Variants in LPP observed in about 807,000 individuals in gnomAD.
LPP encodes the protein LIM domain containing preferred translocation partner in lipoma.
A neutral mutation model predicts 60.4 loss-of-function variants in LPP; 38 were observed. That is an observed-to-expected ratio of 0.63 (90% CI 0.49 to 0.83). The LOEUF (loss-of-function observed/expected upper bound fraction) is 0.83, where lower values mean the gene tolerates loss of function less well. Ranked by LOEUF, LPP falls within the 40% of genes least tolerant of loss-of-function variation. The probability of loss-of-function intolerance (pLI) is 0.00; values close to 1 mark genes in which losing one functional copy is unlikely to be tolerated. For missense variants in LPP, 902 were observed against 783.6 expected (o/e 1.15, Z -1.80); for synonymous variants, 328 against 290.8 (o/e 1.13, Z -1.30).
At chr3:188,322,386 T>C (rs1333895911) in intron 2 of LPP, among the ~76,000 whole-genome samples, 2 of 152,160 alleles carry the variant, frequency 1.3e-5, no homozygotes, top group Non-Finnish European at 2.9e-5. Flanking sequence ...GCAGGCTTTA[T>C]GTGATGTCAT....
intron 2 of LPP, among the ~76,000 whole-genome samples, chr3:188,251,320 G>C (rs1560160150): frequency 1.3e-5 from 2 of 151,738 alleles, no homozygotes; most frequent in Non-Finnish European, 2.9e-5. Flanking sequence ...GGAATAAAAA[G>C]ATGTTCTAGT....
At chr3:188,222,221 T>C (rs1262184231) in intron 1 of LPP, among the ~76,000 whole-genome samples, 1 of 152,234 alleles carries the variant, frequency 6.6e-6, no homozygotes, top group Non-Finnish European at 1.5e-5. Context: ...TGAATTTTTT[T>C]TCAAATGATA....
At chr3:188,666,944 G>T (rs1212325124) in intron 7 of LPP, among the ~76,000 whole-genome samples, 2 of 152,162 alleles carry the variant, frequency 1.3e-5, no homozygotes, top group Non-Finnish European at 2.9e-5. Context: ...ATATAATAGT[G>T]TTTGTATTTT....
chr3:188,710,258 G>A (rs992149768), intron 8 of LPP: 1 of 152,138 alleles, frequency 6.6e-6, no homozygotes, highest in Non-Finnish European at 1.5e-5. Flanking sequence ...ATTTGTGTTG[G>A]GGTGGCAGTT....
At chr3:188,502,503 A>T (rs1812210780) in intron 5 of LPP, among the ~76,000 whole-genome samples, 2 of 152,048 alleles carry the variant, frequency 1.3e-5, no homozygotes, top group African/African-American at 4.8e-5. Flanking sequence ...GTGTCTTTGG[A>T]TATAAAGTCT....
chr3:188,154,708 T>G (rs1358404086), intron 1 of LPP, among the ~76,000 whole-genome samples: 1 of 152,226 alleles, frequency 6.6e-6, no homozygotes, highest in African/African-American at 2.4e-5. Context: ...TTCAAATAGT[T>G]GGCTCCGGAC....
intron 2 of LPP, among the ~76,000 whole-genome samples, chr3:188,335,563 T>C (rs1279104016): frequency 1.3e-5 from 2 of 152,194 alleles, no homozygotes; most frequent in African/African-American, 2.4e-5. Flanking sequence ...TTCTTTATTT[T>C]TGAGATTTAT....
At chr3:188,447,959 C>T (rs1795664822) in intron 4 of LPP, among the ~76,000 whole-genome samples, 1 of 152,172 alleles carries the variant, frequency 6.6e-6, no homozygotes, top group Non-Finnish European at 1.5e-5. Context: ...GATTCCCAAG[C>T]CTCAACCACA....
At chr3:188,179,321 C>G (rs536676311) in intron 1 of LPP, 2 of 458,336 alleles carry the variant, frequency 4.4e-6, no homozygotes, top group Middle Eastern at 3.2e-4. Flanking sequence ...ATGAGCAGCC[C>G]TTCATCACAG....
intron 2 of LPP, among the ~76,000 whole-genome samples, chr3:188,338,609 A>G (rs563830607): frequency 6.6e-6 from 1 of 152,324 alleles, no homozygotes; most frequent in South Asian, 2.1e-4. Context: ...ACCAGAACCC[A>G]GTTCCTCCAT....
At chr3:188,692,071 A>C (rs1210430955) in intron 7 of LPP, among the ~76,000 whole-genome samples, 1 of 152,198 alleles carries the variant, frequency 6.6e-6, no homozygotes, top group Non-Finnish European at 1.5e-5. Flanking sequence ...TAGCCCTTGC[A>C]GAGAAACCCC....
chr3:188,465,099 A>G (rs1800052760), intron 4 of LPP, among the ~76,000 whole-genome samples: 1 of 152,150 alleles, frequency 6.6e-6, no homozygotes, highest in South Asian at 2.1e-4. Flanking sequence ...GGAATTCAGA[A>G]GACAGTGTGA....
At chr3:188,628,667 C>T (rs1010994866) in intron 7 of LPP, among the ~76,000 whole-genome samples, 1 of 152,010 alleles carries the variant, frequency 6.6e-6, no homozygotes, top group South Asian at 2.1e-4. Flanking sequence ...TGAATTCTAC[C>T]AGATGTAATA....
chr3:188,834,958 T>G (rs1758035128), intron 9 of LPP, among the ~76,000 whole-genome samples: 1 of 152,174 alleles, frequency 6.6e-6, no homozygotes, highest in Non-Finnish European at 1.5e-5. Context: ...CTAACTGATC[T>G]CTGAGAGAGG....
Position 188,288,326 on chromosome 3 carries a change from A to G in LPP, c.-66-53337A>G, listed in dbSNP as rs374353737. ...AACAAACGGGTAGTAACGTCCCTTTATGCTTGTACACACATTTCCAAAACA... is the reference window on the plus strand; with the variant it reads ...AACAAACGGGTAGTAACGTCCCTTTGTGCTTGTACACACATTTCCAAAACA... On this transcript the variant is annotated intron_variant, in intron 2 of 11. Transcript: ENST00000617246. 3.3e-5 allele frequency among the ~76,000 whole-genome samples: 5 copies of G among 152,304 alleles called. No homozygotes were observed. In the East Asian group the frequency reaches 9.7e-4, roughly 29 times the overall value.
intron 6 of LPP, among the ~76,000 whole-genome samples, chr3:188,593,860 G>T (rs993190002): frequency 1.3e-5 from 2 of 152,150 alleles, no homozygotes; most frequent in African/African-American, 4.8e-5. Flanking sequence ...GGGCATTTGG[G>T]TTGGTTCCAC....
intron 2 of LPP, among the ~76,000 whole-genome samples, chr3:188,276,654 C>T (rs946065958): frequency 3.4e-5 from 5 of 147,178 alleles, no homozygotes; most frequent in African/African-American, 1.3e-4. Flanking sequence ...GTGGCACCCC[C>T]CACCCTCCAA....
chr3:188,222,329 A>G (rs1716093826), intron 1 of LPP, among the ~76,000 whole-genome samples: 1 of 152,228 alleles, frequency 6.6e-6, no homozygotes, highest in African/African-American at 2.4e-5. Context: ...ATAAATTAGA[A>G]TCACAGAACT....
chr3:188,491,307 G>A (rs542227812), intron 5 of LPP, among the ~76,000 whole-genome samples: 4 of 152,290 alleles, frequency 2.6e-5, no homozygotes, highest in South Asian at 2.1e-4. Context: ...AAGAGATGTC[G>A]GCTGTGGAGA....
Sources: allele counts gnomAD v4.1 joint callset (sites outside exome capture counted in the v4.1 genomes callset), GRCh38; gene constraint gnomAD v4.1.1; transcripts MANE v1.5; gene names NCBI Gene and HGNC (gene_info 2026-07-23, HGNC 2026-07-21).